ZNF544: variants seen among roughly 807,000 people sequenced by gnomAD.
The protein encoded by ZNF544 is zinc finger protein AF020591.
In ZNF544, 10 loss-of-function variants were observed where a neutral mutation model predicts 13.5. The ratio of observed to expected loss-of-function variants is 0.74; its 90% CI spans 0.46 to 1.25. The LOEUF is 1.25. ZNF544 is among the 50% of genes most tolerant of loss of function. The pLI is 0.00. For synonymous variants in ZNF544, 323 were observed against 300.5 expected, an observed-to-expected ratio of 1.07 and a Z score of -0.77; for missense variants, 896 against 845.6, an observed-to-expected ratio of 1.06 and a Z score of -0.74.
chr19:58,238,654 G>C (rs1555754385), intron 3 of ZNF544, among the ~76,000 whole-genome samples: 2 of 152,100 alleles, frequency 1.3e-5, no homozygotes. Flanking sequence ...AGTGGGTGTG[G>C]GTTTCTGGCT....
intron 6 of ZNF544, among the ~76,000 whole-genome samples, chr19:58,253,146 C>T (rs542026366): frequency 1.9e-4 from 29 of 152,276 alleles, no homozygotes; most frequent in Admixed American, 9.8e-4. Flanking sequence ...GGAAATGACC[C>T]AGATATCCAA....
Position 58,262,703 on chromosome 19 carries a change from G to C in ZNF544, c.2097G>C (p.Gln699His), listed in dbSNP as rs147831474. The C allele has an allele frequency of 1.6e-5, 25 of 1,611,970 alleles. 1 individual carries two copies. In the South Asian group the frequency reaches 2.7e-4, roughly 18 times the overall value. Residue 699 changes from glutamine (Q) to histidine (H), a missense_variant, in exon 7 of 7, where the codon CAG becomes CAC. Physicochemically the swap from Gln to His is conservative, Grantham distance 24. Coordinates refer to ENST00000687789, the MANE Select transcript of ZNF544 (RefSeq NM_014480.4). ...GTGACTGTGGGAAATCCTTCCGGCA[G>C]CAATCTCAACTTGTAGTGCATCGGC... ...ECSDCGKSFR[Q>H]QSQLVVHRRT...
chr19:58,273,222 A>G (rs2050859397), intron 5 of ZNF544, among the ~76,000 whole-genome samples: 1 of 152,108 alleles, frequency 6.6e-6, no homozygotes, highest in African/African-American at 2.4e-5. Flanking sequence ...GTAGAAAATC[A>G]TATTATCATA....
At chr19:58,253,704 T>C (rs1464653520) in intron 6 of ZNF544, among the ~76,000 whole-genome samples, 3 of 152,232 alleles carry the variant, frequency 2.0e-5, no homozygotes, top group African/African-American at 7.2e-5. Flanking sequence ...CCTCCCAAAG[T>C]GCTGGGATTG....
rs2049445323 is a variant in ZNF544 at position 58,263,639 on chromosome 19, G to A, written c.*885G>A. ...GCCAACTAAATAAAAATCTCTGGCA[G>A]TAAAATCCAGGAGTCTGCAGTTTCT... On this transcript the variant is annotated 3_prime_UTR_variant, in exon 7 of 7. Transcript: ENST00000687789. The A allele has an allele frequency of 1.1e-6, 1 of 951,708 alleles. No individual in the cohort carries two copies. Among genetic ancestry groups the A allele is most frequent in the South Asian group, 4.9e-5 (1 of 20,592 alleles). The allele number at this position is 951,708 out of a possible 1,614,324, so 59.0% of individuals were successfully genotyped here.
At chr19:58,237,129 A>G (rs1251413626) in intron 3 of ZNF544, among the ~76,000 whole-genome samples, 1 of 137,370 alleles carries the variant, frequency 7.3e-6, no homozygotes, top group African/African-American at 2.8e-5. Flanking sequence ...CAGCGGTGTG[A>G]TCTTGGCTCA....
chr19:58,246,123 CTT>C (rs1304866933), intron 4 of ZNF544, among the ~76,000 whole-genome samples, 176 bp from the exon 5 acceptor site: 3 of 152,170 alleles, frequency 2.0e-5, no homozygotes, highest in Non-Finnish European at 4.4e-5. Context: ...CCTCAAGCCT[CTT>C]TTATGAGGAC....
At chr19:58,239,338 TC>T (rs984752673) in intron 3 of ZNF544, among the ~76,000 whole-genome samples, 5 of 151,686 alleles carry the variant, frequency 3.3e-5, no homozygotes, top group Non-Finnish European at 7.4e-5. Context: ...CTACACCTCT[TC>T]CCCCCTCCAC....
intron 5 of ZNF544, among the ~76,000 whole-genome samples, chr19:58,275,407 G>A (rs568657449): frequency 3.8e-4 from 58 of 151,886 alleles, no homozygotes; most frequent in Middle Eastern, 6.8e-3. Flanking sequence ...TGAACCCACC[G>A]ATCCCTTGAA....
At chr19:58,243,609 C>T (rs910191833) in intron 3 of ZNF544, among the ~76,000 whole-genome samples, 1 of 152,022 alleles carries the variant, frequency 6.6e-6, no homozygotes, top group Non-Finnish European at 1.5e-5. Flanking sequence ...TCCCCACACC[C>T]CCATTGTCAT....
At chr19:58,265,582 G>A (rs994357175), downstream of ZNF544, among the ~76,000 whole-genome samples, 3 of 148,310 alleles carry the variant, frequency 2.0e-5, no homozygotes, top group African/African-American at 5.0e-5. Flanking sequence ...GGCATGAGCC[G>A]CCACACCCGG....
At chr19:58,234,594 T>C (rs1382294402) in intron 3 of ZNF544, among the ~76,000 whole-genome samples, 1 of 152,240 alleles carries the variant, frequency 6.6e-6, no homozygotes, top group African/African-American at 2.4e-5. Context: ...GGAGCAGTTC[T>C]TCCCTTTGCC....
At chr19:58,249,077 C>T (rs529428377) in intron 6 of ZNF544, among the ~76,000 whole-genome samples, 1 of 152,300 alleles carries the variant, frequency 6.6e-6, no homozygotes, top group Admixed American at 6.5e-5. Context: ...ATCTGCGACA[C>T]AGAAGGCGGG....
chr19:58,263,372 G>A lies in ZNF544; in HGVS notation c.*618G>A. 1 of 947,432 alleles carries A rather than the reference G, an allele frequency of 1.1e-6. No individual in the cohort carries two copies. Among genetic ancestry groups the A allele is most frequent in the Non-Finnish European group, 1.3e-6 (1 of 795,468 alleles). 58.7% of individuals were successfully genotyped at this position (947,432 alleles called of 1,614,324 possible). ...GCTACTCAGGAGGCTGAGGTGGGAG[G>A]ATCACTTGAGCTTGGGAGGCGGTGG... is the stretch of plus-strand genomic sequence containing the variant. On this transcript the variant is annotated 3_prime_UTR_variant, in exon 7 of 7. Coordinates refer to ENST00000687789, the MANE Select transcript of ZNF544 (RefSeq NM_014480.4).
At chr19:58,257,403 G>A (rs2047726305) in intron 6 of ZNF544, 1 of 152,146 alleles carries the variant, frequency 6.6e-6, no homozygotes. Flanking sequence ...GTTTCCCATT[G>A]GTCACTTGGT....
chr19:58,237,557 C>T (rs1235084132), intron 3 of ZNF544, among the ~76,000 whole-genome samples: 3 of 152,214 alleles, frequency 2.0e-5, no homozygotes, highest in African/African-American at 7.2e-5. Context: ...CGGAGCCAGA[C>T]CCTTGCCCCG....
intron 3 of ZNF544, among the ~76,000 whole-genome samples, chr19:58,241,096 C>CT (rs2043501133): frequency 9.7e-6 from 1 of 102,594 alleles, no homozygotes; most frequent in Non-Finnish European, 2.2e-5. Context: ...CTCAGTCTCT[C>CT]AAGAACTTGG....
chr19:58,272,037 C>T (rs1363556439), intron 5 of ZNF544, among the ~76,000 whole-genome samples: 2 of 151,966 alleles, frequency 1.3e-5, no homozygotes, highest in African/African-American at 2.4e-5. Context: ...TGGTGGGTGC[C>T]TGTAATGCCA....
At chr19:58,245,346 G>C (rs2044908640) in intron 4 of ZNF544, among the ~76,000 whole-genome samples, 2 of 150,366 alleles carry the variant, frequency 1.3e-5, no homozygotes, top group Non-Finnish European at 1.5e-5. Flanking sequence ...CTGTCACCCA[G>C]GCTGGAGTAC....
Sources: allele counts gnomAD v4.1 joint callset (sites outside exome capture counted in the v4.1 genomes callset), GRCh38; gene constraint gnomAD v4.1.1; transcripts MANE v1.5; gene names NCBI Gene and HGNC (gene_info 2026-07-23, HGNC 2026-07-21).